The following CD44 variants were observed in gnomAD, a reference collection of about 807,000 sequenced individuals.
CD44 encodes the protein CD44 antigen.
Under a neutral mutation model 88.8 loss-of-function variants are expected in CD44, and 49 were observed. The observed-to-expected ratio is 0.55, with a 90% CI of 0.44 to 0.70. The LOEUF (loss-of-function observed/expected upper bound fraction) is 0.70. Ranked by LOEUF, CD44 falls within the 30% of genes least tolerant of loss-of-function variation. CD44 has a pLI of 0.00. For synonymous variants in CD44, 325 were observed against 312.3 expected, an observed-to-expected ratio of 1.04 and a Z score of -0.43; for missense variants, 883 against 913.8, an observed-to-expected ratio of 0.97 and a Z score of 0.43.
chr11:35,141,084 A>G (rs1401118774), intron 1 of CD44, among the ~76,000 whole-genome samples: 2 of 152,028 alleles, frequency 1.3e-5, no homozygotes, highest in Non-Finnish European at 2.9e-5. Flanking sequence ...GCCAGGCATT[A>G]TGTTAAATAT....
At chr11:35,153,153 G>T (rs147261141) in intron 1 of CD44, among the ~76,000 whole-genome samples, 1 of 152,362 alleles carries the variant, frequency 6.6e-6, no homozygotes, top group African/African-American at 2.4e-5. Flanking sequence ...TGGCAAAACC[G>T]TGGTCTTCTG....
intron 17 of CD44, chr11:35,223,004 G>A (rs1339172738): frequency 3.0e-6 from 3 of 985,380 alleles, no homozygotes; most frequent in South Asian, 4.7e-5. Flanking sequence ...CTAATTATCT[G>A]AGAAAATCAA....
chr11:35,201,551 A>C, intron 8 of CD44, 120 bp from the exon 9 acceptor site: 1 of 1,240,770 alleles, frequency 8.1e-7, no homozygotes, highest in East Asian at 2.5e-5. Context: ...TTGAGAGTGG[A>C]TGCTCAGAGG....
Position 35,229,249 on chromosome 11 carries a change from G to T in CD44, c.2145G>T (p.Lys715Asn). 1 of 1,614,024 alleles carries T rather than the reference G, an allele frequency of 6.2e-7. No individual in the cohort carries two copies. The highest frequency in any genetic ancestry group is 8.5e-7 in the Non-Finnish European group (1 of 1,179,916). ...KSQEMVHLVN[K>N]ESSETPDQFM... ...AGGAAATGGTGCATTTGGTGAACAAGGAGTCGTCAGAAACTCCAGACCAGT... is the reference window on the plus strand; with the variant it reads ...AGGAAATGGTGCATTTGGTGAACAATGAGTCGTCAGAAACTCCAGACCAGT... Residue 715 changes from lysine to asparagine, a missense_variant, in exon 18 of 18, where the codon AAG becomes AAT. Coordinates refer to ENST00000428726, the MANE Select transcript of CD44 (RefSeq NM_000610.4).
At chr11:35,206,669 T>TGGGGGGGGTTGGGGGG (rs57972216) in intron 11 of CD44, among the ~76,000 whole-genome samples, 1 of 146,078 alleles carries the variant, frequency 6.8e-6, no homozygotes, top group Non-Finnish European at 1.5e-5. Context: ...TGGGGGTTGG[T>TGGGGGGGGTTGGGGGG]GGGGGGGGCA....
At chr11:35,144,356 G>T (rs1858661825) in intron 1 of CD44, among the ~76,000 whole-genome samples, 1 of 152,238 alleles carries the variant, frequency 6.6e-6, no homozygotes. Flanking sequence ...GCACCGTGTA[G>T]TTTTCAAAGG....
rs1949988412 is a variant in CD44, at chr11:35,230,200, C to T, written c.*867C>T. 6.8e-6 allele frequency: 1 copy of T among 146,948 alleles called. No individual in the cohort carries two copies. Among genetic ancestry groups the T allele is most frequent in the Admixed American group, 7.0e-5 (1 of 14,294 alleles). 9.1% of individuals were successfully genotyped at this position (146,948 alleles called of 1,614,324 possible). On this transcript the variant is annotated 3_prime_UTR_variant, in exon 18 of 18. Transcript: ENST00000428726. Reference sequence around the variant, plus strand: ...TCATGGAAGACCAAGGAGGGCAGCACTGTTTTTGTTTTTTGTTTTTTGTTT... The same window carrying T: ...TCATGGAAGACCAAGGAGGGCAGCATTGTTTTTGTTTTTTGTTTTTTGTTT...
At chr11:35,153,751 A>G (rs1042077574) in intron 1 of CD44, among the ~76,000 whole-genome samples, 1 of 152,196 alleles carries the variant, frequency 6.6e-6, no homozygotes, top group African/African-American at 2.4e-5. Context: ...TGAGAGCATA[A>G]TAGGGAGATC....
chr11:35,160,021 T>C (rs1483628281), intron 1 of CD44, among the ~76,000 whole-genome samples: 1 of 152,124 alleles, frequency 6.6e-6, no homozygotes, highest in Admixed American at 6.5e-5. Flanking sequence ...GGTGGAAACT[T>C]TCCTCTCCTC....
chr11:35,166,045 A>G (rs1390082082), intron 1 of CD44, among the ~76,000 whole-genome samples: 1 of 152,234 alleles, frequency 6.6e-6, no homozygotes, highest in East Asian at 1.9e-4. Context: ...AAAAAAAAAT[A>G]CAATGACAAA....
chr11:35,152,256 T>C (rs1860458340), intron 1 of CD44, among the ~76,000 whole-genome samples: 1 of 152,198 alleles, frequency 6.6e-6, no homozygotes, highest in Non-Finnish European at 1.5e-5. Context: ...GCTGGCCAGC[T>C]GGCTCACTCT....
intron 4 of CD44, among the ~76,000 whole-genome samples, chr11:35,188,237 A>G (rs1420912948): frequency 6.6e-6 from 1 of 152,184 alleles, no homozygotes; most frequent in African/African-American, 2.4e-5. Context: ...CCACATTGTT[A>G]TGTAAGGAAT....
chr11:35,217,314 T>C (rs1428903149), intron 15 of CD44, among the ~76,000 whole-genome samples: 1 of 149,672 alleles, frequency 6.7e-6, no homozygotes, highest in Non-Finnish European at 1.5e-5. Flanking sequence ...GATCCGTTAA[T>C]GGCCTCTTTT....
rs1946803324 is a variant in CD44, at chr11:35,196,809, G to C, written c.731G>C (p.Trp244Ser). Residue 244 changes from tryptophan to serine, a missense_variant, in exon 6 of 18, where the codon TGG (tryptophan) becomes TCG (serine). Coordinates refer to ENST00000428726, the MANE Select transcript of CD44 (RefSeq NM_000610.4). ...ACCAAGAGGCAAGAAACCTGGGATT[G>C]GTTTTCATGGTTGTTTCTACCATCA... ...TATKRQETWD[W>S]FSWLFLPSES... 2 of 1,613,702 alleles carry C rather than the reference G, an allele frequency of 1.2e-6. No individual in the cohort carries two copies. The highest frequency in any genetic ancestry group is 2.7e-5 in the African/African-American group (2 of 75,050).
chr11:35,140,456 G>A (rs1250523121), intron 1 of CD44, among the ~76,000 whole-genome samples: 2 of 152,210 alleles, frequency 1.3e-5, no homozygotes, highest in African/African-American at 2.4e-5. Context: ...TATTAACCCA[G>A]TTCCACGGGA....
chr11:35,207,981 C>A, intron 11 of CD44, 124 bp from the exon 12 acceptor site: 1 of 639,312 alleles, frequency 1.6e-6, no homozygotes, highest in Non-Finnish European at 2.9e-6. Flanking sequence ...GAGATATAGT[C>A]AGTATGTGCT....
chr11:35,178,616 A>G (rs1364278942), intron 2 of CD44, among the ~76,000 whole-genome samples: 1 of 152,172 alleles, frequency 6.6e-6, no homozygotes, highest in Non-Finnish European at 1.5e-5. Context: ...ACATACACAC[A>G]TATAAACTTT....
chr11:35,204,675 A>T (rs1284721353), intron 10 of CD44, 35 bp downstream of exon 10: 23 of 1,603,764 alleles, frequency 1.4e-5, no homozygotes, highest in Non-Finnish European at 1.9e-5. Flanking sequence ...TTTGGATGGA[A>T]ACTTCCTTTT....
intron 1 of CD44, among the ~76,000 whole-genome samples, chr11:35,144,283 G>A (rs924330582): frequency 3.9e-5 from 6 of 152,238 alleles, no homozygotes; most frequent in Admixed American, 6.5e-5. Context: ...CTCCACCGAA[G>A]AGCCTGAAAG....
Sources: allele counts gnomAD v4.1 joint callset (sites outside exome capture counted in the v4.1 genomes callset), GRCh38; gene constraint gnomAD v4.1.1; transcripts MANE v1.5; gene names NCBI Gene and HGNC (gene_info 2026-07-23, HGNC 2026-07-21).